ABCC1: variants seen among roughly 807,000 people sequenced by gnomAD.
ABCC1 encodes the protein multidrug resistance-associated protein 1.
A neutral mutation model predicts 172.9 loss-of-function variants in ABCC1; 83 were observed. The ratio of observed to expected loss-of-function variants is 0.48; its 90% CI spans 0.40 to 0.58. The LOEUF is 0.58. Ranked by LOEUF, ABCC1 falls within the 20% of genes least tolerant of loss-of-function variation. ABCC1 has a pLI of 0.00. For synonymous variants in ABCC1, 937 were observed against 825.2 expected, an observed-to-expected ratio of 1.14 and a Z score of -2.32; for missense variants, 1,817 against 2,002.7, an observed-to-expected ratio of 0.91 and a Z score of 1.77.
chr16:16,093,499 G>A (rs983331115), intron 19 of ABCC1, among the ~76,000 whole-genome samples: 1 of 151,946 alleles, frequency 6.6e-6, no homozygotes, highest in Non-Finnish European at 1.5e-5. Context: ...TGCAAATGCC[G>A]CCCACCACCC....
chr16:16,044,459 G>A lies in ABCC1; in HGVS notation c.819G>A (p.Val273=). Reference sequence around the variant, plus strand: ...CCTCCTTGTGTTCCAGGCAGCCGGTGAAGGTTGTGTACTCCTCCAAGGATC... The same window carrying A: ...CCTCCTTGTGTTCCAGGCAGCCGGTAAAGGTTGTGTACTCCTCCAAGGATC... ...KECAKTRKQP[V]KVVYSSKDPA... is the part of the protein sequence containing the mutation. Residue 273 remains valine (V), a synonymous_variant, in exon 8 of 31, where the codon GTG becomes GTA. Transcript: ENST00000399410. 1.2e-6 allele frequency: 2 copies of A among 1,614,056 alleles called. No homozygotes were observed. Among genetic ancestry groups the A allele is most frequent in the Non-Finnish European group, 1.7e-6 (2 of 1,180,004 alleles).
At chr16:16,082,668 G>A (rs1247970267) in intron 16 of ABCC1, among the ~76,000 whole-genome samples, 2 of 152,210 alleles carry the variant, frequency 1.3e-5, no homozygotes, top group African/African-American at 2.4e-5. Context: ...TTTTGAGACA[G>A]GATCTTGCTC....
At chr16:16,038,043 AGGATGGAT>A (rs150697316) in intron 7 of ABCC1, among the ~76,000 whole-genome samples, 16 of 151,722 alleles carry the variant, frequency 1.1e-4, no homozygotes, top group Admixed American at 4.6e-4. Flanking sequence ...CAGAACTAGT[AGGATGGAT>A]GGATGGATGG....
At position 16,032,972 on chromosome 16, in the gene ABCC1, G is replaced by T. The variant is rs569529513; in HGVS notation, c.616-137G>T. On this transcript the variant is annotated intron_variant, in intron 5 of 30. Transcript: ENST00000399410. ...TATTAGGAGAGGGTCCTTTTGGGGTGCAGAATGGTGTGGAGCTGACGCTAG... is the reference window on the plus strand; with the variant it reads ...TATTAGGAGAGGGTCCTTTTGGGGTTCAGAATGGTGTGGAGCTGACGCTAG... The T allele has an allele frequency of 6.2e-5, 47 of 757,892 alleles. No individual in the cohort carries two copies. The Admixed American group carries it at 1.0e-3, about 17-fold the overall frequency. The allele number at this position is 757,892 out of a possible 1,614,324, so 46.9% of individuals were successfully genotyped here.
intron 19 of ABCC1, chr16:16,098,725 T>A: frequency 1.6e-6 from 1 of 627,282 alleles, no homozygotes; most frequent in South Asian, 1.4e-5. Flanking sequence ...ATGGGGAAAC[T>A]GACGCACAAA....
At chr16:16,137,808 C>T (rs1296786708) in intron 29 of ABCC1, among the ~76,000 whole-genome samples, 1 of 152,002 alleles carries the variant, frequency 6.6e-6, no homozygotes, top group Admixed American at 6.6e-5. Flanking sequence ...CCGCCTTAGC[C>T]TCACAAGGTG....
At chr16:16,034,580 CTTTTTTTTTTTT>C (rs35163690) in intron 6 of ABCC1, among the ~76,000 whole-genome samples, 1 of 84,666 alleles carries the variant, frequency 1.2e-5, no homozygotes, top group Non-Finnish European at 2.2e-5. Flanking sequence ...TGTATGTTAA[CTTTTTTTTTTTT>C]TTTTTTTTTT....
intron 6 of ABCC1, among the ~76,000 whole-genome samples, chr16:16,034,086 G>A (rs1259007339): frequency 7.4e-6 from 1 of 135,764 alleles, no homozygotes; most frequent in Non-Finnish European, 1.5e-5. Context: ...GGAGTGCAGC[G>A]GCACACTTGT....
chr16:16,050,481 A>G (rs1360273660), intron 10 of ABCC1, among the ~76,000 whole-genome samples: 1 of 151,194 alleles, frequency 6.6e-6, no homozygotes, highest in African/African-American at 2.5e-5. Flanking sequence ...AAGGAAGAAG[A>G]AAAAATTACT....
In ABCC1 at chr16:16,133,655, C is replaced by T. The variant is rs377757081; in HGVS notation, c.3967-695C>T. 1.9e-4 allele frequency among the ~76,000 whole-genome samples: 29 copies of T among 152,272 alleles called. No individual in the cohort carries two copies. In the South Asian group the frequency reaches 4.4e-3, roughly 23 times the overall value. ...CTGACCTTCTCTGATCCACCTTCCT[C>T]GGCCTCCCAAAGTGCTGGGACTACA... On this transcript the variant is annotated intron_variant, in intron 27 of 30. Coordinates refer to ENST00000399410, the MANE Select transcript of ABCC1 (RefSeq NM_004996.4).
intron 1 of ABCC1, among the ~76,000 whole-genome samples, chr16:15,966,961 G>A (rs753369061): frequency 1.4e-4 from 21 of 152,258 alleles, no homozygotes; most frequent in South Asian, 8.3e-4. Flanking sequence ...GATTACAGGT[G>A]GGCACCACTG....
chr16:16,107,935 G>A (rs1269945820), intron 21 of ABCC1, among the ~76,000 whole-genome samples: 1 of 151,332 alleles, frequency 6.6e-6, no homozygotes, highest in Non-Finnish European at 1.5e-5. Flanking sequence ...TGGGGCTGGG[G>A]CACTTTCTCT....
intron 12 of ABCC1, among the ~76,000 whole-genome samples, chr16:16,060,963 C>T (rs1416631068): frequency 6.6e-6 from 1 of 152,094 alleles, no homozygotes; most frequent in Non-Finnish European, 1.5e-5. Flanking sequence ...ATTACAGGCG[C>T]CTACTACCAT....
intron 27 of ABCC1, among the ~76,000 whole-genome samples, chr16:16,133,529 G>A (rs1294769927): frequency 2.0e-5 from 3 of 151,996 alleles, no homozygotes; most frequent in Non-Finnish European, 2.9e-5. Context: ...TCCGTCTCCC[G>A]AGTATCTGGG....
rs1361788653 is a variant in ABCC1, at chr16:16,141,731, C to T, written c.*450C>T. The T allele has an allele frequency of 1.8e-5, 3 of 168,774 alleles. No homozygotes were observed. Among genetic ancestry groups the T allele is most frequent in the Admixed American group, 6.1e-5 (1 of 16,358 alleles). The allele number at this position is 168,774 out of a possible 1,614,324, so 10.5% of individuals were successfully genotyped here. On this transcript the variant is annotated 3_prime_UTR_variant, in exon 31 of 31. Transcript: ENST00000399410. ...TTGAGATGCTTCTGGCTCCCATCAC[C>T]TCTAACATCCTTGTCTGGGTCTACC...
At chr16:15,997,286 T>A (rs975916515) in intron 1 of ABCC1, among the ~76,000 whole-genome samples, 23 of 151,952 alleles carry the variant, frequency 1.5e-4, no homozygotes, top group Non-Finnish European at 3.4e-4. Context: ...AGAGACGGGG[T>A]TTCACCATGT....
intron 15 of ABCC1, 152 bp from the exon 16 acceptor site, chr16:16,079,200 G>A (rs575419452): frequency 3.8e-4 from 450 of 1,177,108 alleles, no homozygotes; most frequent in Middle Eastern, 2.8e-3. Flanking sequence ...AGTAGAAATG[G>A]AAGGAATGTT....
At chr16:16,098,381 G>A in intron 19 of ABCC1, 1 of 200,364 alleles carries the variant, frequency 5.0e-6, no homozygotes, top group Non-Finnish European at 1.0e-5. Flanking sequence ...CACTTTGGGA[G>A]GCCAAGGCAG....
At chr16:16,021,254 A>G (rs2048182578) in intron 5 of ABCC1, among the ~76,000 whole-genome samples, 1 of 152,108 alleles carries the variant, frequency 6.6e-6, no homozygotes, top group Non-Finnish European at 1.5e-5. Context: ...CCAGCAAGAA[A>G]GAGGAAGGGG....
Sources: gnomAD v4.1 joint callset for allele counts (sites outside exome capture counted in the v4.1 genomes callset) on GRCh38, gnomAD v4.1.1 for gene constraint, MANE v1.5 for transcripts, NCBI Gene and HGNC (gene_info 2026-07-23, HGNC 2026-07-21) for gene names.